Variants in TFAP4 observed in about 807,000 individuals in gnomAD.
TFAP4 encodes activating enhancer-binding protein 4.
In TFAP4, 7 loss-of-function variants were observed where a neutral mutation model predicts 40.4. That is an observed-to-expected ratio of 0.17 (90% CI 0.10 to 0.33). The LOEUF is 0.33. TFAP4 is among the 10% of genes least tolerant of loss of function. The probability of loss-of-function intolerance (pLI) is 1.00; values close to 1 mark genes in which losing one functional copy is unlikely to be tolerated. For missense variants in TFAP4, 374 were observed against 451.1 expected, an observed-to-expected ratio of 0.83 and a Z score of 1.55; for synonymous variants, 218 against 181.4, an observed-to-expected ratio of 1.20 and a Z score of -1.62.
chr16:4,260,381 G>A (rs2052936056), intron 5 of TFAP4, 74 bp downstream of exon 5: 25 of 1,513,900 alleles, frequency 1.7e-5, no homozygotes, highest in Non-Finnish European at 2.2e-5. Context: ...GGCCTAGGGA[G>A]AGGCTTCCGC....
At chr16:4,263,638 A>T (rs1397352450) in intron 1 of TFAP4, 1 of 152,464 alleles carries the variant, frequency 6.6e-6, no homozygotes, top group Non-Finnish European at 1.5e-5. Flanking sequence ...GGCTCCCCAC[A>T]GCCCACCCAC....
chr16:4,262,454 G>T, intron 2 of TFAP4, 32 bp from the exon 3 acceptor site: 1 of 1,613,824 alleles, frequency 6.2e-7, no homozygotes. Context: ...GAGTCAGGCT[G>T]GCAGTGTTTA....
rs1289298904 is a variant in TFAP4, at chr16:4,270,331, A to C, written c.89+2327T>G. 2.0e-5 allele frequency among the ~76,000 whole-genome samples: 3 copies of C among 152,308 alleles called. No individual in the cohort carries two copies. The East Asian group carries it at 5.8e-4, about 29-fold the overall frequency. On this transcript the variant is annotated intron_variant, in intron 1 of 6. Coordinates refer to ENST00000204517, the MANE Select transcript of TFAP4 (RefSeq NM_003223.3). ...TTGTGTGTGCAGCACCGTGCCCTAC[A>C]ATCCCCTCTGGCAGGCCTGGGAGAC...
At position 4,257,829 on chromosome 16, in the gene TFAP4, T is replaced by C. The variant is rs563097867; in HGVS notation, c.*226A>G. ...AGCCCCCGGGGCCGAGGCCCCGCCC[T>C]GGGGTGCCGATGCTCCCACACGCTC... On this transcript the variant is annotated 3_prime_UTR_variant, in exon 7 of 7. Coordinates refer to ENST00000204517, the MANE Select transcript of TFAP4 (RefSeq NM_003223.3). The C allele has an allele frequency of 3.1e-4, 132 of 420,350 alleles. No homozygotes were observed. The highest frequency in any genetic ancestry group is 2.6e-3 in the African/African-American group (122 of 47,132). The allele number at this position is 420,350 out of a possible 1,614,324, so 26.0% of individuals were successfully genotyped here.
intron 1 of TFAP4, among the ~76,000 whole-genome samples, chr16:4,269,349 C>T (rs995105024): frequency 2.1e-4 from 32 of 151,270 alleles, no homozygotes; most frequent in African/African-American, 7.0e-4. Flanking sequence ...AAAAATTAGC[C>T]GGGCGTGGTG....
intron 3 of TFAP4, 96 bp downstream of exon 3, chr16:4,262,228 A>C (rs2141091244): frequency 7.2e-7 from 1 of 1,383,266 alleles, no homozygotes; most frequent in South Asian, 1.2e-5. Context: ...TCAGTGGGCA[A>C]GAAGGGGCCT....
chr16:4,271,368 G>A (rs2053038942), intron 1 of TFAP4, among the ~76,000 whole-genome samples: 1 of 152,230 alleles, frequency 6.6e-6, no homozygotes, highest in African/African-American at 2.4e-5. Context: ...CTCCAGCCCT[G>A]GGGAGCCATT....
chr16:4,272,282 C>T (rs1224292463), intron 1 of TFAP4, among the ~76,000 whole-genome samples: 1 of 151,914 alleles, frequency 6.6e-6, no homozygotes, highest in African/African-American at 2.4e-5. Context: ...GACCTCAGAT[C>T]CCGAGGAAGG....
At chr16:4,272,233 A>C (rs1299373317) in intron 1 of TFAP4, among the ~76,000 whole-genome samples, 16 of 143,966 alleles carry the variant, frequency 1.1e-4, no homozygotes, top group East Asian at 4.3e-4. Flanking sequence ...CTACACCCCC[A>C]CGCGCGCCCC....
In TFAP4 at chr16:4,261,790, G is replaced by A; in HGVS notation, c.514C>T (p.Leu172=). 1 of 1,607,388 alleles carries A rather than the reference G, an allele frequency of 6.2e-7. No individual in the cohort carries two copies. The change falls in exon 4 of 7, where the codon CTG becomes TTG. Residue 172 remains leucine (L), a synonymous_variant. Transcript: ENST00000204517. The part of the protein sequence containing the change: ...LDKERSVRMM[L]EEQVRSLEAH... ...GGGCGCTGCCTCACCTGCTCCTCCA[G>A]CATCATGCGCACCGAGCGCTCCTTG... is the stretch of plus-strand genomic sequence containing the variant.
At chr16:4,258,389 C>A in intron 6 of TFAP4, 140 bp from the exon 7 acceptor site, 2 of 732,822 alleles carry the variant, frequency 2.7e-6, no homozygotes, top group Non-Finnish European at 4.4e-6. Context: ...AGGGGAGGCC[C>A]GCTAGAGTAC....
chr16:4,260,274 C>T, intron 5 of TFAP4, 29 bp from the exon 6 acceptor site: 1 of 1,531,528 alleles, frequency 6.5e-7, no homozygotes, highest in Non-Finnish European at 8.7e-7. Flanking sequence ...CAGCCTTTCT[C>T]TCAAGGCTTC....
intron 1 of TFAP4, chr16:4,266,917 A>C (rs1263305138): frequency 6.6e-6 from 1 of 152,274 alleles, no homozygotes; most frequent in Non-Finnish European, 1.5e-5. Context: ...GCTGGAGTGC[A>C]GTGGCACAAT....
rs987103292 is a variant in TFAP4, at chr16:4,272,729, C to A, written c.18G>T (p.Val6=). Residue 6 remains valine, a synonymous_variant, in exon 1 of 7, where the codon GTG becomes GTT. Transcript: ENST00000204517. Reference sequence around the variant, plus strand: ...GCAAAGAGGGCACCTTCTGAGTGGGCACCATGAAATACTCCATAGCGATCG... The same window carrying A: ...GCAAAGAGGGCACCTTCTGAGTGGGAACCATGAAATACTCCATAGCGATCG... MEYFM[V]PTQKVPSLQH... is the part of the protein sequence containing the mutation. The A allele has an allele frequency of 1.1e-5, 17 of 1,613,336 alleles. No individual in the cohort carries two copies. The highest frequency in any genetic ancestry group is 1.3e-5 in the African/African-American group (1 of 74,866).
In TFAP4 at chr16:4,257,993, C is replaced by T. The variant is rs1485880820; in HGVS notation, c.*62G>A. The T allele has an allele frequency of 3.3e-6, 5 of 1,519,534 alleles. No individual in the cohort carries two copies. The highest frequency in any genetic ancestry group is 4.5e-6 in the Non-Finnish European group (5 of 1,121,966). The allele number at this position is 1,519,534 out of a possible 1,614,324, so 94.1% of individuals were successfully genotyped here. A position where few individuals can be genotyped will look rare whatever the true frequency, so the allele number is the denominator to read the frequency against. ...ATTTCTCACTCATTCGCCCATGTCT[C>T]TCCCTGTGGCTGCCCCGGCTCCCTC... On this transcript the variant is annotated 3_prime_UTR_variant, in exon 7 of 7. Coordinates refer to ENST00000204517, the MANE Select transcript of TFAP4 (RefSeq NM_003223.3).
rs548015250 is a variant in TFAP4 at position 4,270,176 on chromosome 16, C to CAA, written c.89+2480_89+2481dup. 6.3e-5 allele frequency among the ~76,000 whole-genome samples: 9 copies of CAA among 142,588 alleles called. No homozygotes were observed. The South Asian group carries it at 6.6e-4, about 10-fold the overall frequency. 93.5% of individuals were successfully genotyped at this position (142,588 alleles called of 152,430 possible). A position where few individuals can be genotyped will look rare whatever the true frequency, so the allele number is the denominator to read the frequency against. Reference sequence around the variant, plus strand: ...TGGGTGACAGAGTGAGACTCCGTCTCAAAAAAAAAAAGACTGAGTGTCATT... The same window carrying CAA: ...TGGGTGACAGAGTGAGACTCCGTCTCAAAAAAAAAAAAAGACTGAGTGTCATT... On this transcript the variant is annotated intron_variant, in intron 1 of 6. Coordinates refer to ENST00000204517, the MANE Select transcript of TFAP4 (RefSeq NM_003223.3).
In TFAP4 at chr16:4,257,911, A is replaced by T; in HGVS notation, c.*144T>A. The T allele has an allele frequency of 3.7e-6, 3 of 802,768 alleles. No homozygotes were observed. Among genetic ancestry groups the T allele is most frequent in the Non-Finnish European group, 5.7e-6 (3 of 524,280 alleles). The allele number at this position is 802,768 out of a possible 1,614,324, so 49.7% of individuals were successfully genotyped here. A position where few individuals can be genotyped will look rare whatever the true frequency, so the allele number is the denominator to read the frequency against. ...AGTGGCTTCGTTCAAAGGTCGATTT[A>T]CAGTATTGAAAAAGAGGTCATAAAA... On this transcript the variant is annotated 3_prime_UTR_variant, in exon 7 of 7. Coordinates refer to ENST00000204517, the MANE Select transcript of TFAP4 (RefSeq NM_003223.3).
chr16:4,261,644 C>G (rs1191975528), intron 4 of TFAP4, 135 bp downstream of exon 4: 1 of 1,058,038 alleles, frequency 9.5e-7, no homozygotes, highest in African/African-American at 1.6e-5. Context: ...GGCTTGCTCC[C>G]CACTCCTAGG....
At chr16:4,262,189 G>C in intron 3 of TFAP4, 135 bp downstream of exon 3, 2 of 1,097,830 alleles carry the variant, frequency 1.8e-6, no homozygotes, top group Non-Finnish European at 2.7e-6. Flanking sequence ...TGAGGCCGGG[G>C]CAGGAAAAAA....
Sources: gnomAD v4.1 joint callset for allele counts (sites outside exome capture counted in the v4.1 genomes callset) on GRCh38, gnomAD v4.1.1 for gene constraint, MANE v1.5 for transcripts, NCBI Gene and HGNC (gene_info 2026-07-23, HGNC 2026-07-21) for gene names.